SBSPON: variants seen among roughly 807,000 people sequenced by gnomAD.
The protein encoded by SBSPON is somatomedin B and thrombospondin type 1 domain containing.
Under a neutral mutation model 35.8 loss-of-function variants are expected in SBSPON, and 30 were observed. The ratio of observed to expected loss-of-function variants is 0.84; its 90% CI spans 0.63 to 1.14. The LOEUF (loss-of-function observed/expected upper bound fraction) is 1.14. SBSPON is among the 50% of genes most tolerant of loss of function. The pLI is 0.00. For missense variants in SBSPON, 364 were observed against 357.7 expected (o/e 1.02, Z -0.14); for synonymous variants, 136 against 135.9 (o/e 1.00, Z 0.00).
At position 73,066,736 on chromosome 8, in the gene SBSPON, A is replaced by C. The variant is rs1810393082; in HGVS notation, c.*605T>G. The C allele has an allele frequency of 6.6e-6, 1 of 152,226 alleles. No homozygotes were observed. The highest frequency in any genetic ancestry group is 2.4e-5 in the African/African-American group (1 of 41,458). 9.4% of individuals were successfully genotyped at this position (152,226 alleles called of 1,614,324 possible). A position where few individuals can be genotyped will look rare whatever the true frequency, so the allele number is the denominator to read the frequency against. ...ATCCTTTCACTTCTTAAGCAAAAAA[A>C]AAATTTCTTCTTCAAAAAATGTTTT... On this transcript the variant is annotated 3_prime_UTR_variant, in exon 5 of 5. Transcript: ENST00000297354.
At position 73,069,863 on chromosome 8, in the gene SBSPON, G is replaced by T; in HGVS notation, c.619C>A (p.Pro207Thr). 1.2e-6 allele frequency: 2 copies of T among 1,614,018 alleles called. No homozygotes were observed. The highest frequency in any genetic ancestry group is 1.7e-6 in the Non-Finnish European group (2 of 1,179,890). ...EGYTVCVDCQ[P>T]PAMNSVSLRC... ...AGGCTCACAGAGTTCATAGCTGGAGGCTGACAATCCACACACACCGTGTAT... is the reference window on the plus strand; with the variant it reads ...AGGCTCACAGAGTTCATAGCTGGAGTCTGACAATCCACACACACCGTGTAT... The change falls in exon 4 of 5, where the codon CCT becomes ACT. Residue 207 changes from proline (P) to threonine (T), a missense_variant. Pro to Thr is a conservative substitution (Grantham distance 38). Transcript: ENST00000297354.
chr8:73,077,520 C>T (rs561579559), intron 2 of SBSPON, among the ~76,000 whole-genome samples: 1 of 152,192 alleles, frequency 6.6e-6, no homozygotes, highest in African/African-American at 2.4e-5. Flanking sequence ...TCCCAGAGCT[C>T]ACCACCGTGA....
chr8:73,067,256 A>G lies in SBSPON; in HGVS notation c.*85T>C, dbSNP rs1204937231. ...ATGATGTGTTTGGGGACTTTGGCCAAAATTGAAGGTTTAGGAAACATTGAA... is the reference window on the plus strand; with the variant it reads ...ATGATGTGTTTGGGGACTTTGGCCAGAATTGAAGGTTTAGGAAACATTGAA... On this transcript the variant is annotated 3_prime_UTR_variant, in exon 5 of 5. Coordinates refer to ENST00000297354, the MANE Select transcript of SBSPON (RefSeq NM_153225.4). The G allele has an allele frequency of 1.1e-6, 1 of 875,372 alleles. No homozygotes were observed. The highest frequency in any genetic ancestry group is 1.8e-6 in the Non-Finnish European group (1 of 542,114). 54.2% of individuals were successfully genotyped at this position (875,372 alleles called of 1,614,324 possible).
intron 2 of SBSPON, among the ~76,000 whole-genome samples, chr8:73,076,101 C>T (rs1236211061): frequency 1.3e-5 from 2 of 152,086 alleles, no homozygotes; most frequent in African/African-American, 4.8e-5. Flanking sequence ...AATAGCAAAA[C>T]ACTATTGAGG....
At chr8:73,078,696 T>C (rs1245156300) in intron 2 of SBSPON, among the ~76,000 whole-genome samples, 1 of 152,102 alleles carries the variant, frequency 6.6e-6, no homozygotes. Context: ...CCCCGAGCAG[T>C]TTGTGTACTG....
chr8:73,085,589 G>A (rs1810807646), intron 1 of SBSPON: 1 of 152,062 alleles, frequency 6.6e-6, no homozygotes. Context: ...TTCTCATCTC[G>A]GAGTTACCAC....
At chr8:73,073,375 G>A (rs1000056716) in intron 2 of SBSPON, among the ~76,000 whole-genome samples, 1 of 152,232 alleles carries the variant, frequency 6.6e-6, no homozygotes, top group African/African-American at 2.4e-5. Context: ...ACTCAACAAT[G>A]TGAGGATACT....
intron 3 of SBSPON, among the ~76,000 whole-genome samples, chr8:73,070,805 A>G (rs12550150): frequency 0.28 from 42,200 of 152,150 alleles, 6,799 homozygotes; most frequent in East Asian, 0.71. Flanking sequence ...TGGCATTTTC[A>G]GTTCCATGGG....
intron 1 of SBSPON, 124 bp from the exon 2 acceptor site, chr8:73,081,337 C>G: frequency 1.4e-6 from 1 of 717,912 alleles, no homozygotes; most frequent in Non-Finnish European, 2.2e-6. Flanking sequence ...GGCCCTGTAT[C>G]AGGAGACGCA....
intron 1 of SBSPON, among the ~76,000 whole-genome samples, 185 bp from the exon 2 acceptor site, chr8:73,081,398 G>A (rs921233868): frequency 1.3e-5 from 2 of 152,224 alleles, no homozygotes; most frequent in East Asian, 1.9e-4. Flanking sequence ...TGCCCACCCC[G>A]ATGGTGAATT....
chr8:73,088,599 T>C (rs530422076), intron 1 of SBSPON, among the ~76,000 whole-genome samples: 1 of 151,974 alleles, frequency 6.6e-6, no homozygotes, highest in Middle Eastern at 3.4e-3. Context: ...GACTTGAACC[T>C]GTGAAGCAGA....
chr8:73,092,156 G>A (rs1810946884), intron 1 of SBSPON, among the ~76,000 whole-genome samples: 1 of 152,178 alleles, frequency 6.6e-6, no homozygotes, highest in Non-Finnish European at 1.5e-5. Context: ...AGTTGAAAAA[G>A]ACTGACCCTA....
At chr8:73,090,449 G>A (rs1279071551) in intron 1 of SBSPON, among the ~76,000 whole-genome samples, 4 of 152,248 alleles carry the variant, frequency 2.6e-5, no homozygotes, top group African/African-American at 9.6e-5. Flanking sequence ...CGGGAGGCAG[G>A]CGGTGACCGC....
intron 2 of SBSPON, among the ~76,000 whole-genome samples, chr8:73,073,840 CAA>C (rs961883177): frequency 2.6e-5 from 4 of 151,560 alleles, no homozygotes; most frequent in Non-Finnish European, 5.9e-5. Context: ...AAAAAACAGA[CAA>C]GAGCAGCTGC....
chr8:73,084,441 C>A (rs1810778572), intron 1 of SBSPON, among the ~76,000 whole-genome samples: 1 of 152,184 alleles, frequency 6.6e-6, no homozygotes, highest in African/African-American at 2.4e-5. Flanking sequence ...CATCTGAACT[C>A]CCTGCTGTGA....
intron 1 of SBSPON, among the ~76,000 whole-genome samples, chr8:73,088,688 G>GA (rs138206539): frequency 0.28 from 42,547 of 150,312 alleles, 6,393 homozygotes; most frequent in Middle Eastern, 0.38. Flanking sequence ...ATCTCAAAAA[G>GA]AAAAAAAAAG....
rs1355485793 is a variant in SBSPON at position 73,091,528 on chromosome 8, G to A, written c.214+1326C>T. ...GTATGCAAGCCCCTCATGAGAGAGA[G>A]GCTTTGCTTGAGTTATGCAGGGAAA... is the stretch of plus-strand genomic sequence containing the variant. On this transcript the variant is annotated intron_variant, in intron 1 of 4. Coordinates refer to ENST00000297354, the MANE Select transcript of SBSPON (RefSeq NM_153225.4). 2.0e-5 allele frequency among the ~76,000 whole-genome samples: 3 copies of A among 152,178 alleles called. No individual in the cohort carries two copies. The South Asian group carries it at 6.2e-4, about 32-fold the overall frequency.
In SBSPON at chr8:73,081,197, C is replaced by T. The variant is rs772759988; in HGVS notation, c.231G>A (p.Val77=). 1.9e-6 allele frequency: 3 copies of T among 1,586,824 alleles called. No individual in the cohort carries two copies. Among genetic ancestry groups the T allele is most frequent in the Non-Finnish European group, 2.6e-6 (3 of 1,164,902 alleles). ...DRACPARPCF[V]GEWSPWSGCA... is the part of the protein sequence containing the mutation. ...AACCACTCCAGGGGCTCCATTCCCC[C>T]ACGAAGCACGGGCGAGCTGAAAAAC... The change falls in exon 2 of 5, where the codon GTG becomes GTA. Residue 77 remains valine (V), a synonymous_variant. Transcript: ENST00000297354.
At chr8:73,085,624 A>C (rs1303677349) in intron 1 of SBSPON, 1 of 150,488 alleles carries the variant, frequency 6.6e-6, no homozygotes, top group African/African-American at 2.4e-5. Flanking sequence ...GTCTGTTCGC[A>C]GCTCGAGGAG....
Sources: allele counts gnomAD v4.1 joint callset (sites outside exome capture counted in the v4.1 genomes callset), GRCh38; gene constraint gnomAD v4.1.1; transcripts MANE v1.5; gene names NCBI Gene and HGNC (gene_info 2026-07-23, HGNC 2026-07-21).